The following CPLANE1 variants were observed in gnomAD, a reference collection of about 807,000 sequenced individuals.
The protein encoded by CPLANE1 is ciliogenesis and planar polarity effector 1.
A neutral mutation model predicts 362.5 loss-of-function variants in CPLANE1; 263 were observed. That is an observed-to-expected ratio of 0.73 (90% CI 0.66 to 0.80). CPLANE1 has a LOEUF of 0.80. Among genes scored for constraint, CPLANE1 ranks in the 30% least tolerant of loss-of-function variants. The pLI is 0.00. For missense variants in CPLANE1, 3,461 were observed against 3,793.4 expected, an observed-to-expected ratio of 0.91 and a Z score of 2.30; for synonymous variants, 1,212 against 1,302.6, an observed-to-expected ratio of 0.93 and a Z score of 1.50.
At chr5:37,225,326 C>T (rs1466917677) in intron 12 of CPLANE1, among the ~76,000 whole-genome samples, 2 of 151,760 alleles carry the variant, frequency 1.3e-5, no homozygotes, top group Non-Finnish European at 2.9e-5. Flanking sequence ...GTGATATCTG[C>T]TCAACCTCTG....
At chr5:37,213,936 C>G (rs1323345933) in intron 15 of CPLANE1, among the ~76,000 whole-genome samples, 2 of 152,130 alleles carry the variant, frequency 1.3e-5, no homozygotes, top group Non-Finnish European at 2.9e-5. Context: ...GACCCTTGAA[C>G]TTCACGGGTT....
At chr5:37,175,888 A>G in intron 31 of CPLANE1, 21 bp downstream of exon 31, 1 of 1,541,402 alleles carries the variant, frequency 6.5e-7, no homozygotes, top group Non-Finnish European at 9.0e-7. Context: ...TTTAAATGGT[A>G]TAGTAGGCAA....
chr5:37,208,838 T>A (rs945788976), intron 16 of CPLANE1, among the ~76,000 whole-genome samples: 3 of 152,120 alleles, frequency 2.0e-5, no homozygotes, highest in South Asian at 2.1e-4. Context: ...TGTTTATATA[T>A]TTAAATTTCT....
rs1344230486 is a variant in CPLANE1, at chr5:37,121,751, G to A, written c.9051C>T (p.Ile3017=). 20 of 1,613,920 alleles carry A rather than the reference G, an allele frequency of 1.2e-5. No individual in the cohort carries two copies. Among genetic ancestry groups the A allele is most frequent in the Non-Finnish European group, 1.6e-5 (19 of 1,179,900 alleles). The stretch of plus-strand genomic sequence containing the variant: ...CATTCATCAGACCGTACGCTTGTGA[G>A]ATTCGACGACTATAGTGTTCAGAGA... ...LLLSEHYSRR[I]SQAYGLMNEL... Residue 3017 remains isoleucine, a synonymous_variant, in exon 49 of 53, where the codon ATC becomes ATT. Coordinates refer to ENST00000651892, the MANE Select transcript of CPLANE1 (RefSeq NM_001384732.1).
chr5:37,116,524 T>G (rs1440737128), intron 50 of CPLANE1, among the ~76,000 whole-genome samples: 146 of 94,682 alleles, frequency 1.5e-3, no homozygotes, highest in African/African-American at 2.3e-3. Context: ...AAGGCTGAAG[T>G]GGGAAGATGA....
intron 16 of CPLANE1, chr5:37,211,550 C>A: frequency 8.3e-7 from 1 of 1,206,936 alleles, no homozygotes; most frequent in Non-Finnish European, 1.2e-6. Flanking sequence ...TATGCGGGGG[C>A]ACTTCCTCCA....
At chr5:37,212,599 T>C (rs532874231) in intron 16 of CPLANE1, among the ~76,000 whole-genome samples, 1 of 152,318 alleles carries the variant, frequency 6.6e-6, no homozygotes, top group East Asian at 1.9e-4. Flanking sequence ...TGGCAAATAG[T>C]AGGCACTTAA....
chr5:37,192,789 G>A (rs566989512), intron 21 of CPLANE1, among the ~76,000 whole-genome samples: 3 of 149,034 alleles, frequency 2.0e-5, no homozygotes, highest in East Asian at 2.0e-4. Flanking sequence ...GTGGGAACCC[G>A]AGCTTGCAGT....
At chr5:37,121,201 A>G (rs1305923835) in intron 49 of CPLANE1, among the ~76,000 whole-genome samples, 2 of 152,202 alleles carry the variant, frequency 1.3e-5, no homozygotes, top group Admixed American at 1.3e-4. Context: ...ATAACTGGGC[A>G]GGTCTGGGGC....
rs754537918 is a variant in CPLANE1, at chr5:37,195,901, T to C, written c.3768A>G (p.Ala1256=). Residue 1256 remains alanine, a synonymous_variant, in exon 21 of 53, where the codon GCA becomes GCG. Transcript: ENST00000651892. The part of the protein sequence containing the change: ...KGGIAFFRPG[A]AGDHKLDEVS... ...CTTCATCAAGCTTGTGGTCTCCAGCTGCTCCAGGTCTAAAAAATGCGATAC... is the reference window on the plus strand; with the variant it reads ...CTTCATCAAGCTTGTGGTCTCCAGCCGCTCCAGGTCTAAAAAATGCGATAC... 1.9e-6 allele frequency: 3 copies of C among 1,613,346 alleles called. No homozygotes were observed. The African/African-American group carries it at 4.0e-5, about 22-fold the overall frequency.
In CPLANE1 at chr5:37,167,080, G is replaced by C. The variant is rs146595129; in HGVS notation, c.7367C>G (p.Pro2456Arg). Residue 2456 changes from proline (P) to arginine (R), a missense_variant, in exon 35 of 53, where the codon CCT becomes CGT. By Grantham distance (103) the Pro-to-Arg change is moderately radical (BLOSUM62 -2). Around this residue, in one of 2 missense-constraint regions of CPLANE1, gnomAD observed 3,380 missense variants for 3,666.1 expected, o/e 0.92. Coordinates refer to ENST00000651892, the MANE Select transcript of CPLANE1 (RefSeq NM_001384732.1). ...ACTGTCCTTTCCTTGTCTTACTTCA[G>C]GTGGTTCTATTTTGACCTTTAGAAG... ...LQLLKVKIEP[P>R]EVRQGKDSKK... The C allele has an allele frequency of 6.2e-7, 1 of 1,612,154 alleles. No homozygotes were observed. Among genetic ancestry groups the C allele is most frequent in the African/African-American group, 1.3e-5 (1 of 74,840 alleles).
chr5:37,227,841 A>G (rs1796783436), intron 9 of CPLANE1, 24 bp from the exon 10 acceptor site: 2 of 1,525,680 alleles, frequency 1.3e-6, no homozygotes, highest in African/African-American at 2.8e-5. Context: ...ATCAAAATAC[A>G]AGAATCAGTA....
chr5:37,147,150 T>C (rs1771909090), intron 43 of CPLANE1, among the ~76,000 whole-genome samples: 1 of 152,180 alleles, frequency 6.6e-6, no homozygotes. Flanking sequence ...ATTTAGAAGC[T>C]TGACCAAAGG....
chr5:37,124,382 C>T (rs550006712), intron 47 of CPLANE1, among the ~76,000 whole-genome samples: 24 of 152,116 alleles, frequency 1.6e-4, no homozygotes, highest in Admixed American at 1.5e-3. Flanking sequence ...CTGGTTATGT[C>T]TGTATTTAGG....
the CPLANE1 span, among the ~76,000 whole-genome samples, chr5:37,098,754 G>T: frequency 6.6e-6 from 1 of 150,834 alleles, no homozygotes; most frequent in African/African-American, 2.4e-5. Context: ...ACAAATAAAT[G>T]GAAATTAAAC....
chr5:37,196,543 C>CA (rs1297173474), intron 20 of CPLANE1, among the ~76,000 whole-genome samples: 1 of 152,138 alleles, frequency 6.6e-6, no homozygotes, highest in East Asian at 1.9e-4. Context: ...GATCCAAACT[C>CA]AATCTCCTCA....
chr5:37,165,561 G>A lies in CPLANE1; in HGVS notation c.7511C>T (p.Ser2504Leu), dbSNP rs1208635414. 7 of 1,607,970 alleles carry A rather than the reference G, an allele frequency of 4.4e-6. No individual in the cohort carries two copies. In the East Asian group the frequency reaches 6.7e-5, roughly 15 times the overall value. Residue 2504 changes from serine to leucine, a missense_variant, in exon 36 of 53, where the codon TCA (serine) becomes TTA (leucine). Physicochemically the swap from Ser to Leu is moderately radical, Grantham distance 145 (BLOSUM62 -2). Coordinates refer to ENST00000651892, the MANE Select transcript of CPLANE1 (RefSeq NM_001384732.1). ...PENSIINNDD[S>L]EIIKKPKEQQ... is the part of the protein sequence containing the mutation. Reference sequence around the variant, plus strand: ...TACCTTGGGTTTCTTAATGATTTCTGAATCATCATTATTAATTATGGAATT... The same window carrying A: ...TACCTTGGGTTTCTTAATGATTTCTAAATCATCATTATTAATTATGGAATT...
At chr5:37,140,043 G>A (rs1257506083) in intron 44 of CPLANE1, 2 of 938,422 alleles carry the variant, frequency 2.1e-6, no homozygotes, top group Non-Finnish European at 2.5e-6. Context: ...AATCCGAGAA[G>A]CAATTTACCT....
Position 37,205,454 on chromosome 5 carries a change from C to G in CPLANE1, c.3150G>C (p.Arg1050Ser). ...GTAGATTCAGACTCTTTTTCTTGGA[C>G]CTGAAATGACATCAAATTAAGGGAA... ...LFCKRDSNFM[R>S]SKKKSLNLPL... Residue 1050 changes from arginine (R) to serine (S), a missense_variant and splice_region_variant, in exon 18 of 53, where the codon AGG becomes AGC. Arg to Ser is a moderately radical substitution (Grantham distance 110, BLOSUM62 -1). Around this residue, in one of 2 missense-constraint regions of CPLANE1, gnomAD observed 3,380 missense variants for 3,666.1 expected, o/e 0.92. Coordinates refer to ENST00000651892, the MANE Select transcript of CPLANE1 (RefSeq NM_001384732.1). 6.7e-7 allele frequency: 1 copy of G among 1,491,712 alleles called. No homozygotes were observed. Among genetic ancestry groups the G allele is most frequent in the Non-Finnish European group, 8.9e-7 (1 of 1,119,600 alleles). 92.4% of individuals were successfully genotyped at this position (1,491,712 alleles called of 1,614,324 possible). A position where few individuals can be genotyped will look rare whatever the true frequency, so the allele number is the denominator to read the frequency against.
Sources: gnomAD v4.1 joint callset for allele counts (sites outside exome capture counted in the v4.1 genomes callset) on GRCh38, gnomAD v4.1.1 for gene constraint, gnomAD v4.1.1 regional missense constraint, MANE v1.5 for transcripts, NCBI Gene and HGNC (gene_info 2026-07-23, HGNC 2026-07-21) for gene names.